ALKAL2: variants seen among roughly 807,000 people sequenced by gnomAD.
ALKAL2 encodes the protein AUG-alpha.
In ALKAL2, 8 loss-of-function variants were observed where a neutral mutation model predicts 18.5. The observed-to-expected ratio is 0.43, with a 90% CI of 0.25 to 0.78. The LOEUF is 0.78. Ranked by LOEUF, ALKAL2 falls within the 30% of genes least tolerant of loss-of-function variation. ALKAL2 has a pLI of 0.22. For synonymous variants in ALKAL2, 135 were observed against 95.8 expected (o/e 1.41, Z -2.39); for missense variants, 241 against 211.2 (o/e 1.14, Z -0.88).
chr2:286,078 C>CT, intron 4 of ALKAL2, 45 bp downstream of exon 4: 1 of 1,539,716 alleles, frequency 6.5e-7, no homozygotes, highest in Non-Finnish European at 9.0e-7. Flanking sequence ...GAACCGCTGC[C>CT]TGCACTGCTC....
chr2:287,657 T>G lies in ALKAL2; in HGVS notation c.179A>C (p.Gln60Pro). The G allele has an allele frequency of 1.3e-6, 2 of 1,484,092 alleles. No individual in the cohort carries two copies. The highest frequency in any genetic ancestry group is 1.8e-4 in the Middle Eastern group (1 of 5,630). 91.9% of individuals were successfully genotyped at this position (1,484,092 alleles called of 1,614,324 possible). The change falls in exon 2 of 6, where the codon CAG becomes CCG. Residue 60 changes from glutamine to proline, a missense_variant. Physicochemically the swap from Gln to Pro is moderately conservative, Grantham distance 76. Transcript: ENST00000403610. ...KHHSAEHKGL[Q>P]LLGRDCALGR... ...CAGGGCGCAGTCCCGCCCGAGGAGC[T>G]GCAGGCCCTTGTGCTCCGCCGAGTG...
intron 2 of ALKAL2, chr2:286,735 A>G (rs907011004): frequency 6.1e-6 from 1 of 164,970 alleles, no homozygotes; most frequent in African/African-American, 2.4e-5. Flanking sequence ...AACATTTCAA[A>G]GTTTTTAGAG....
In ALKAL2 at chr2:280,011, A is replaced by T. The variant is rs1240326952; in HGVS notation, c.*136T>A. The T allele has an allele frequency of 3.2e-6, 3 of 942,906 alleles. No individual in the cohort carries two copies. The African/African-American group carries it at 4.9e-5, about 15-fold the overall frequency. 58.4% of individuals were successfully genotyped at this position (942,906 alleles called of 1,614,324 possible). A position where few individuals can be genotyped will look rare whatever the true frequency, so the allele number is the denominator to read the frequency against. ...ACTGTCAACAACATACAAAACTCAA[A>T]GGACTTATGGAAGAGTCTGTCTGCA... On this transcript the variant is annotated 3_prime_UTR_variant, in exon 6 of 6. Coordinates refer to ENST00000403610, the MANE Select transcript of ALKAL2 (RefSeq NM_001002919.3).
chr2:283,759 G>A (rs994648580), intron 4 of ALKAL2, among the ~76,000 whole-genome samples: 1 of 152,204 alleles, frequency 6.6e-6, no homozygotes, highest in African/African-American at 2.4e-5. Flanking sequence ...TTAAGAAGGT[G>A]TAATGGGCAT....
At chr2:282,766 T>G (rs906482081) in intron 5 of ALKAL2, among the ~76,000 whole-genome samples, 2 of 152,360 alleles carry the variant, frequency 1.3e-5, no homozygotes. Flanking sequence ...CTCACTTGTG[T>G]TAGTGAATGA....
At chr2:283,005 A>T in intron 5 of ALKAL2, 106 bp downstream of exon 5, 1 of 1,170,922 alleles carries the variant, frequency 8.5e-7, no homozygotes, top group Non-Finnish European at 1.2e-6. Context: ...GAATATGGCT[A>T]CTTCAGCCAA....
intron 5 of ALKAL2, among the ~76,000 whole-genome samples, chr2:282,022 CTG>C (rs1028660055): frequency 3.3e-5 from 5 of 152,170 alleles, no homozygotes; most frequent in Admixed American, 6.5e-5. Context: ...TGCAGTGAAA[CTG>C]TGCAAAATGC....
intron 2 of ALKAL2, 134 bp downstream of exon 2, chr2:287,448 TA>T (rs67240058): frequency 0.011 from 4,611 of 437,008 alleles, 5 homozygotes; most frequent in East Asian, 0.016. Flanking sequence ...TTCTTTTTCT[TA>T]AAAAAAAAAA....
In ALKAL2 at chr2:279,843, A is replaced by G. The variant is rs1340511228; in HGVS notation, c.*304T>C. ...TGTTTCTAAAGAAATATTTTTTGCG[A>G]TTTCACCTAATGAAGACAATGAAAT... On this transcript the variant is annotated 3_prime_UTR_variant, in exon 6 of 6. Transcript: ENST00000403610. 2.9e-6 allele frequency: 1 copy of G among 339,694 alleles called. No individual in the cohort carries two copies. The highest frequency in any genetic ancestry group is 5.3e-6 in the Non-Finnish European group (1 of 187,694). The allele number at this position is 339,694 out of a possible 1,614,324, so 21.0% of individuals were successfully genotyped here. A position where few individuals can be genotyped will look rare whatever the true frequency, so the allele number is the denominator to read the frequency against.
intron 3 of ALKAL2, 32 bp downstream of exon 3, chr2:286,258 T>G: frequency 1.2e-6 from 2 of 1,610,648 alleles, no homozygotes; most frequent in Non-Finnish European, 1.7e-6. Context: ...AAAGGAGCTC[T>G]GGGAGACGTG....
At chr2:284,458 A>G (rs757876793) in intron 4 of ALKAL2, among the ~76,000 whole-genome samples, 14 of 152,166 alleles carry the variant, frequency 9.2e-5, no homozygotes, top group Admixed American at 3.3e-4. Context: ...TGACGCAGTA[A>G]AAAAGTGGTC....
intron 4 of ALKAL2, chr2:283,410 G>A (rs1197152909): frequency 1.5e-5 from 15 of 985,266 alleles, no homozygotes; most frequent in East Asian, 1.1e-4. Context: ...GTGGGGCAGC[G>A]GAGGGAAGAG....
intron 2 of ALKAL2, chr2:287,371 C>CA (rs1670550525): frequency 1.2e-5 from 5 of 407,788 alleles, no homozygotes; most frequent in Non-Finnish European, 2.1e-5. Context: ...CGCCGCAGCT[C>CA]ACGCGCGCCA....
chr2:284,583 G>GTATC (rs1425268210), intron 4 of ALKAL2, among the ~76,000 whole-genome samples: 8 of 152,204 alleles, frequency 5.3e-5, no homozygotes, highest in African/African-American at 1.9e-4. Context: ...CCCAGGGTGA[G>GTATC]CTGTGATCAG....
intron 2 of ALKAL2, 132 bp downstream of exon 2, chr2:287,451 A>T (rs1436908246): frequency 1.9e-4 from 1 of 5,220 alleles, no homozygotes; most frequent in South Asian, 0.014. Context: ...TTTTTCTTAA[A>T]AAAAAAAAAA....
At position 286,358 on chromosome 2, in the gene ALKAL2, A is replaced by G; in HGVS notation, c.254-15T>C. 6.3e-7 allele frequency: 1 copy of G among 1,598,422 alleles called. No homozygotes were observed. The highest frequency in any genetic ancestry group is 8.6e-7 in the Non-Finnish European group (1 of 1,169,248). On this transcript the variant is annotated splice_polypyrimidine_tract_variant and intron_variant, in intron 2 of 5. Transcript: ENST00000403610. ...AGGAACAATTTCTGTTTCAGGGAAA[A>G]GAAAGTATTATATTACCTGAAGGAC...
At chr2:285,205 G>A (rs1670470134) in intron 4 of ALKAL2, among the ~76,000 whole-genome samples, 1 of 152,238 alleles carries the variant, frequency 6.6e-6, no homozygotes, top group African/African-American at 2.4e-5. Context: ...GCACACAGAA[G>A]CAGCTCTATA....
intron 5 of ALKAL2, among the ~76,000 whole-genome samples, chr2:282,044 C>T (rs183700698): frequency 6.6e-6 from 1 of 152,320 alleles, no homozygotes; most frequent in Admixed American, 6.5e-5. Flanking sequence ...CAGTCTCAAC[C>T]CGCCATTACC....
intron 5 of ALKAL2, among the ~76,000 whole-genome samples, chr2:281,855 G>A (rs1558267540): frequency 6.6e-6 from 1 of 152,072 alleles, no homozygotes; most frequent in Non-Finnish European, 1.5e-5. Flanking sequence ...ATGTACATCT[G>A]TTCACTGATT....
Sources: gnomAD v4.1 joint callset for allele counts (sites outside exome capture counted in the v4.1 genomes callset) on GRCh38, gnomAD v4.1.1 for gene constraint, MANE v1.5 for transcripts, NCBI Gene and HGNC (gene_info 2026-07-23, HGNC 2026-07-21) for gene names.